The following COLQ variants were observed in gnomAD, a reference collection of about 807,000 sequenced individuals.
COLQ encodes the protein collagen like tail subunit of asymmetric acetylcholinesterase, also known as acetylcholinesterase collagenic tail peptide.
A neutral mutation model predicts 69.0 loss-of-function variants in COLQ; 48 were observed. The ratio of observed to expected loss-of-function variants is 0.70; its 90% CI spans 0.55 to 0.88. The LOEUF (loss-of-function observed/expected upper bound fraction) is 0.88, where lower values mean the gene tolerates loss of function less well. Ranked by LOEUF, COLQ falls within the 40% of genes least tolerant of loss-of-function variation. COLQ has a pLI of 0.00. For missense variants in COLQ, 618 were observed against 594.6 expected (o/e 1.04, Z -0.41); for synonymous variants, 217 against 211.2 (o/e 1.03, Z -0.24).
intron 16 of COLQ, among the ~76,000 whole-genome samples, chr3:15,452,745 G>A (rs1369567362): frequency 6.6e-6 from 1 of 152,200 alleles, no homozygotes; most frequent in Non-Finnish European, 1.5e-5. Flanking sequence ...TCCTGGCCAA[G>A]CCTAAATGGG....
chr3:15,465,739 C>T (rs549031118), intron 12 of COLQ, among the ~76,000 whole-genome samples: 55 of 151,476 alleles, frequency 3.6e-4, no homozygotes, highest in African/African-American at 1.2e-3. Context: ...ATTACAGCCG[C>T]GTGCCACCAT....
At chr3:15,503,927 C>A (rs1332109865) in intron 1 of COLQ, among the ~76,000 whole-genome samples, 1 of 152,136 alleles carries the variant, frequency 6.6e-6, no homozygotes, top group Non-Finnish European at 1.5e-5. Context: ...AAGGTTGGAA[C>A]CACTTACCAA....
chr3:15,517,127 A>C (rs1453302792), intron 1 of COLQ, among the ~76,000 whole-genome samples: 1 of 152,198 alleles, frequency 6.6e-6, no homozygotes, highest in South Asian at 2.1e-4. Context: ...TGGGCAACAG[A>C]GCGAGACCCT....
chr3:15,497,432 T>C (rs557618316), intron 1 of COLQ, among the ~76,000 whole-genome samples: 15 of 152,140 alleles, frequency 9.9e-5, no homozygotes, highest in South Asian at 2.1e-4. Flanking sequence ...AGCCCCACAA[T>C]AGGTTACTGG....
chr3:15,479,089 C>A, intron 4 of COLQ, 86 bp from the exon 5 acceptor site: 1 of 1,544,508 alleles, frequency 6.5e-7, no homozygotes, highest in East Asian at 2.2e-5. Flanking sequence ...GATGACTGGG[C>A]ATGGCCATGT....
chr3:15,462,655 G>A (rs978654044), intron 12 of COLQ, among the ~76,000 whole-genome samples: 3 of 152,124 alleles, frequency 2.0e-5, no homozygotes, highest in Non-Finnish European at 2.9e-5. Context: ...CGCCTACCTC[G>A]CCCTCAAGGA....
Position 15,451,411 on chromosome 3 carries a change from T to C in COLQ, c.*233A>G. 1 of 669,208 alleles carries C rather than the reference T, an allele frequency of 1.5e-6. No individual in the cohort carries two copies. The highest frequency in any genetic ancestry group is 1.7e-5 in the South Asian group (1 of 58,388). The allele number at this position is 669,208 out of a possible 1,614,324, so 41.5% of individuals were successfully genotyped here. ...CCAAATGGTAGCGATGGGGAACAGG[T>C]CTCAGGTTGGGCATGTGGAAGGTTT... On this transcript the variant is annotated 3_prime_UTR_variant, in exon 17 of 17. Coordinates refer to ENST00000383788, the MANE Select transcript of COLQ (RefSeq NM_005677.4).
intron 1 of COLQ, 56 bp from the exon 2 acceptor site, chr3:15,489,693 CACCCACCGTGCCCAGGGAAG>C (rs1007572038): frequency 2.6e-6 from 4 of 1,511,728 alleles, no homozygotes; most frequent in Admixed American, 3.6e-5. Context: ...GCCTCTGTCA[CACCCACCGTGCCCAGGGAAG>C]ACCCATCCTG....
rs138727255 is a variant in COLQ, at chr3:15,519,751, G to T, written c.106+1769C>A. Among the ~76,000 whole-genome samples the T allele has an allele frequency of 6.0e-4, 91 of 152,230 alleles. 3 individuals are homozygous for T. The East Asian group carries it at 7.1e-3, about 12-fold the overall frequency. ...TATGTTGTGCCAGGGTGCTCTCCAA[G>T]GCAAAGAGTTCAAAAGAAAACCAGA... On this transcript the variant is annotated intron_variant, in intron 1 of 16. Transcript: ENST00000383788.
rs558679867 is a variant in COLQ, at chr3:15,518,128, A to G, written c.106+3392T>C. Reference sequence around the variant, plus strand: ...ATCCAGATAAATTTGTATTTTTAGTAGAGACAGGGTTTTCTCCATGTTGGT... The same window carrying G: ...ATCCAGATAAATTTGTATTTTTAGTGGAGACAGGGTTTTCTCCATGTTGGT... On this transcript the variant is annotated intron_variant, in intron 1 of 16. Coordinates refer to ENST00000383788, the MANE Select transcript of COLQ (RefSeq NM_005677.4). Among the ~76,000 whole-genome samples, 11 of 152,256 alleles carry G rather than the reference A, an allele frequency of 7.2e-5. No individual in the cohort carries two copies. The South Asian group carries it at 2.3e-3, about 32-fold the overall frequency.
chr3:15,478,821 T>C, intron 5 of COLQ, 156 bp downstream of exon 5: 2 of 870,852 alleles, frequency 2.3e-6, no homozygotes, highest in East Asian at 2.5e-5. Flanking sequence ...AAGGGCAAGG[T>C]TACTACTGTC....
At chr3:15,493,081 T>C (rs1559526607) in intron 1 of COLQ, among the ~76,000 whole-genome samples, 3 of 152,160 alleles carry the variant, frequency 2.0e-5, no homozygotes, top group Non-Finnish European at 4.4e-5. Context: ...AGCTGTCTTT[T>C]GGGAAAGAGG....
Position 15,498,676 on chromosome 3 carries a change from T to C in COLQ, c.107-9039A>G, listed in dbSNP as rs550563779. 12 of 1,549,602 alleles carry C rather than the reference T, an allele frequency of 7.7e-6. No homozygotes were observed. In the African/African-American group the frequency reaches 1.4e-4, roughly 18 times the overall value. ...CACGCCTCTGAGTGCTCCCAGTGCC[T>C]GGCCTGTTTGGCATTAGGGGTGGGA... On this transcript the variant is annotated intron_variant, in intron 1 of 16. Transcript: ENST00000383788.
intron 8 of COLQ, among the ~76,000 whole-genome samples, chr3:15,474,536 C>G (rs947504002): frequency 2.0e-5 from 3 of 152,182 alleles, no homozygotes; most frequent in Non-Finnish European, 4.4e-5. Flanking sequence ...GAAATTTGTC[C>G]ACAGGTTGAT....
Position 15,458,226 on chromosome 3 carries a change from C to A in COLQ, c.914G>T (p.Gly305Val), listed in dbSNP as rs763518486. The A allele has an allele frequency of 1.9e-5, 30 of 1,614,000 alleles. No individual in the cohort carries two copies. The highest frequency in any genetic ancestry group is 1.7e-4 in the Middle Eastern group (1 of 6,044). Residue 305 changes from glycine (G) to valine (V), a missense_variant, in exon 13 of 17, where the codon GGG becomes GTG. Transcript: ENST00000383788. Reference protein sequence around the residue: ...PTMNVNNPSYGESVYGPSSPR... With the variant: ...PTMNVNNPSYVESVYGPSSPR... The stretch of plus-strand genomic sequence containing the variant: ...GGAACTGGGCCCATACACAGATTCC[C>A]CGTAGGAAGGGTTATTCACATTCAT...
chr3:15,488,780 A>G (rs966965490), intron 2 of COLQ, among the ~76,000 whole-genome samples: 1 of 152,244 alleles, frequency 6.6e-6, no homozygotes, highest in Non-Finnish European at 1.5e-5. Flanking sequence ...CAGTATTGGA[A>G]AGTTAACTAA....
intron 12 of COLQ, among the ~76,000 whole-genome samples, chr3:15,463,943 C>A (rs965682926): frequency 6.6e-6 from 1 of 152,232 alleles, no homozygotes; most frequent in Non-Finnish European, 1.5e-5. Context: ...TAAGTTATTA[C>A]CCATACTAAT....
chr3:15,475,215 C>G, intron 7 of COLQ: 1 of 656,688 alleles, frequency 1.5e-6, no homozygotes, highest in South Asian at 1.9e-5. Context: ...TTGGTTCTTC[C>G]TGCCCAAGAG....
In COLQ at chr3:15,473,380, A is replaced by G. The variant is rs1260795135; in HGVS notation, c.636+620T>C. On this transcript the variant is annotated intron_variant, in intron 10 of 16. Coordinates refer to ENST00000383788, the MANE Select transcript of COLQ (RefSeq NM_005677.4). The surrounding 1 kb of genome is among the most constrained non-coding windows in gnomAD (Gnocchi z 4.0). ...ACCATGTTGCCCAGGCTAGTCTCGA[A>G]CTCCTGGGTTCAAGCCATCTGCCCA... Among the ~76,000 whole-genome samples the G allele has an allele frequency of 2.6e-5, 4 of 151,758 alleles. No individual in the cohort carries two copies. Among genetic ancestry groups the G allele is most frequent in the Non-Finnish European group, 5.9e-5 (4 of 67,928 alleles).
Sources: allele counts gnomAD v4.1 joint callset (sites outside exome capture counted in the v4.1 genomes callset), GRCh38; gene constraint gnomAD v4.1.1; non-coding constraint Gnocchi (gnomAD v3.1); transcripts MANE v1.5; gene names NCBI Gene and HGNC (gene_info 2026-07-23, HGNC 2026-07-21).